The following CDH12 variants were observed in gnomAD, a reference collection of about 807,000 sequenced individuals.
CDH12 encodes cadherin-12.
Under a neutral mutation model 74.1 loss-of-function variants are expected in CDH12, and 41 were observed. The ratio of observed to expected loss-of-function variants is 0.55; its 90% confidence interval spans 0.43 to 0.72. The LOEUF is 0.72. CDH12 is among the 30% of genes least tolerant of loss of function. The pLI is 0.00. For synonymous variants in CDH12, 399 were observed against 355.0 expected, an observed-to-expected ratio of 1.12 and a Z score of -1.39; for missense variants, 945 against 977.2, an observed-to-expected ratio of 0.97 and a Z score of 0.44.
intron 1 of CDH12, among the ~76,000 whole-genome samples, chr5:22,535,895 A>G (rs577926291): frequency 6.6e-6 from 1 of 152,230 alleles, no homozygotes; most frequent in Non-Finnish European, 1.5e-5. Flanking sequence ...TTTTTAAAAA[A>G]TTGCGTTGGT....
chr5:22,480,895 C>A (rs1051731625), intron 2 of CDH12, among the ~76,000 whole-genome samples: 1 of 152,120 alleles, frequency 6.6e-6, no homozygotes, highest in African/African-American at 2.4e-5. Context: ...TTCTGAAATG[C>A]AGTATCATTT....
At chr5:22,244,690 A>C (rs1752866045) in intron 3 of CDH12, among the ~76,000 whole-genome samples, 1 of 149,480 alleles carries the variant, frequency 6.7e-6, no homozygotes. Flanking sequence ...GAAAGAAGGA[A>C]AGAAAAGAAA....
intron 6 of CDH12, among the ~76,000 whole-genome samples, chr5:21,951,257 T>A (rs1755848402): frequency 6.6e-6 from 1 of 152,146 alleles, no homozygotes; most frequent in African/African-American, 2.4e-5. Flanking sequence ...TTTATTTATT[T>A]ATTTATTTTT....
At chr5:21,949,322 C>T (rs564012006) in intron 6 of CDH12, among the ~76,000 whole-genome samples, 7 of 151,674 alleles carry the variant, frequency 4.6e-5, no homozygotes, top group Admixed American at 1.3e-4. Context: ...TGGTGGGGGG[C>T]GCCTATATTC....
At chr5:22,074,437 G>A (rs185127116) in intron 5 of CDH12, among the ~76,000 whole-genome samples, 11 of 152,136 alleles carry the variant, frequency 7.2e-5, no homozygotes, top group Admixed American at 6.6e-4. Context: ...CAAAAGCAAT[G>A]GCAACAAAAG....
At chr5:22,776,463 C>G (rs1747110990) in intron 1 of CDH12, among the ~76,000 whole-genome samples, 1 of 152,032 alleles carries the variant, frequency 6.6e-6, no homozygotes, top group Non-Finnish European at 1.5e-5. Context: ...TTGCAGAAGG[C>G]TGGGATGGGC....
chr5:22,290,886 C>T (rs1012422262), intron 3 of CDH12, among the ~76,000 whole-genome samples: 1 of 152,008 alleles, frequency 6.6e-6, no homozygotes, highest in Non-Finnish European at 1.5e-5. Context: ...CAAGAAAAGC[C>T]CAGGAGTTGA....
At chr5:22,634,768 T>C (rs1402845153) in intron 1 of CDH12, among the ~76,000 whole-genome samples, 1 of 152,046 alleles carries the variant, frequency 6.6e-6, no homozygotes, top group East Asian at 1.9e-4. Context: ...TAAGAAAAAA[T>C]AAATTCCTTG....
intron 13 of CDH12, among the ~76,000 whole-genome samples, chr5:21,759,594 T>G (rs2149869322): frequency 6.6e-6 from 1 of 152,250 alleles, no homozygotes; most frequent in African/African-American, 2.4e-5. Context: ...ATTAAGAATC[T>G]GTCATTTTGG....
chr5:22,626,428 T>C (rs1220129798), intron 1 of CDH12, among the ~76,000 whole-genome samples: 2 of 152,100 alleles, frequency 1.3e-5, no homozygotes, highest in African/African-American at 2.4e-5. Flanking sequence ...GGAATAAAGC[T>C]GGGGCCTGGT....
chr5:22,361,660 T>C (rs1183460177), intron 3 of CDH12, among the ~76,000 whole-genome samples: 3 of 152,096 alleles, frequency 2.0e-5, no homozygotes, highest in Non-Finnish European at 4.4e-5. Flanking sequence ...GGAGGTATCA[T>C]GCTACCTGAC....
chr5:22,697,867 C>G (rs867484741), intron 1 of CDH12, among the ~76,000 whole-genome samples: 2 of 151,898 alleles, frequency 1.3e-5, no homozygotes, highest in African/African-American at 2.4e-5. Flanking sequence ...TGCATGTGCA[C>G]GAAGAAGAGG....
At chr5:22,834,423 T>C (rs758817901) in intron 1 of CDH12, among the ~76,000 whole-genome samples, 3 of 152,184 alleles carry the variant, frequency 2.0e-5, no homozygotes, top group Non-Finnish European at 2.9e-5. Flanking sequence ...AGAGTTCTCC[T>C]AGGTGTGTAG....
At chr5:21,804,643 A>AAAACAC (rs1554032478) in intron 9 of CDH12, among the ~76,000 whole-genome samples, 22 of 115,364 alleles carry the variant, frequency 1.9e-4, no homozygotes, top group African/African-American at 6.4e-4. Context: ...AGTGAATTAA[A>AAAACAC]ACACACACAC....
At chr5:22,201,435 C>T (rs985938368) in intron 4 of CDH12, among the ~76,000 whole-genome samples, 5 of 152,056 alleles carry the variant, frequency 3.3e-5, no homozygotes, top group Admixed American at 6.6e-5. Context: ...AGACAAATAC[C>T]GCATGTTCTC....
chr5:22,534,893 T>A (rs1389885361), intron 1 of CDH12, among the ~76,000 whole-genome samples: 1 of 150,092 alleles, frequency 6.7e-6, no homozygotes, highest in Non-Finnish European at 1.5e-5. Flanking sequence ...AAAAATTTAC[T>A]GTTATATAAT....
chr5:21,882,505 A>G (rs1752404921), intron 6 of CDH12: 1 of 764,506 alleles, frequency 1.3e-6, no homozygotes, highest in Non-Finnish European at 2.3e-6. Flanking sequence ...GCTTTTTAAA[A>G]GTGATATATT....
At chr5:22,187,910 A>G (rs1750056912) in intron 4 of CDH12, among the ~76,000 whole-genome samples, 1 of 152,170 alleles carries the variant, frequency 6.6e-6, no homozygotes, top group African/African-American at 2.4e-5. Context: ...AAATAGAGAG[A>G]GGAAATGGAA....
At chr5:22,770,410 T>G (rs11953049) in intron 1 of CDH12, among the ~76,000 whole-genome samples, 72,515 of 151,880 alleles carry the variant, frequency 0.48, 17,440 homozygotes, top group East Asian at 0.55. Flanking sequence ...AATCTATATA[T>G]TTATTTTAGG....
Sources: allele counts gnomAD v4.1 joint callset (sites outside exome capture counted in the v4.1 genomes callset), GRCh38; gene constraint gnomAD v4.1.1; transcripts MANE v1.5; gene names NCBI Gene and HGNC (gene_info 2026-07-23, HGNC 2026-07-21).